The following COL13A1 variants were observed in gnomAD, a reference collection of about 807,000 sequenced individuals.
COL13A1 encodes collagen type XIII alpha 1 chain.
A neutral mutation model predicts 130.9 loss-of-function variants in COL13A1; 89 were observed. The ratio of observed to expected loss-of-function variants is 0.68; its 90% CI spans 0.57 to 0.81. The LOEUF (loss-of-function observed/expected upper bound fraction) is 0.81, where lower values mean the gene tolerates loss of function less well. COL13A1 is among the 30% of genes least tolerant of loss of function. The pLI is 0.00. For missense variants in COL13A1, 879 were observed against 934.6 expected, an observed-to-expected ratio of 0.94 and a Z score of 0.78; for synonymous variants, 402 against 341.6, an observed-to-expected ratio of 1.18 and a Z score of -1.95.
chr10:69,937,826 G>A (rs2067138648), intron 34 of COL13A1, 111 bp downstream of exon 34: 6 of 622,070 alleles, frequency 9.6e-6, no homozygotes, highest in Non-Finnish European at 1.5e-5. Context: ...AGCATCCAGA[G>A]TTCCATGTGG....
chr10:69,870,120 A>G (rs2058908859), intron 3 of COL13A1, among the ~76,000 whole-genome samples: 1 of 152,050 alleles, frequency 6.6e-6, no homozygotes, highest in African/African-American at 2.4e-5. Flanking sequence ...TAGAACAGTA[A>G]TGGTGTCTGC....
intron 4 of COL13A1, among the ~76,000 whole-genome samples, chr10:69,874,439 A>G (rs190739970): frequency 2.6e-4 from 40 of 152,322 alleles, no homozygotes; most frequent in African/African-American, 8.4e-4. Context: ...TTTTCTACCA[A>G]AAGGGGGAGG....
intron 1 of COL13A1, among the ~76,000 whole-genome samples, chr10:69,813,124 A>T (rs2704495): frequency 6.6e-6 from 1 of 152,074 alleles, no homozygotes; most frequent in African/African-American, 2.4e-5. Flanking sequence ...GATAGTCAAT[A>T]CCCATTTGTG....
At chr10:69,879,242 T>G (rs1028324920) in intron 6 of COL13A1, among the ~76,000 whole-genome samples, 1 of 152,186 alleles carries the variant, frequency 6.6e-6, no homozygotes, top group African/African-American at 2.4e-5. Context: ...GTCCTCATAT[T>G]GGAACTAGAC....
chr10:69,865,215 CTTGGTAATGCCTTGGAGTGACTCCATCCT>C (rs1173089315), intron 2 of COL13A1, among the ~76,000 whole-genome samples: 3 of 152,192 alleles, frequency 2.0e-5, no homozygotes, highest in African/African-American at 7.2e-5. Flanking sequence ...ACTGTGGGGA[CTTGGTAATGCCTTGGAGTGACTCCATCCT>C]TTGGTGCCTG....
chr10:69,932,060 G>A (rs566111792), intron 30 of COL13A1, among the ~76,000 whole-genome samples: 19 of 140,386 alleles, frequency 1.4e-4, no homozygotes, highest in African/African-American at 4.8e-4. Context: ...CCCACCTCCC[G>A]CAGAGTAGAC....
chr10:69,889,757 G>T (rs1294474461), intron 10 of COL13A1, among the ~76,000 whole-genome samples: 1 of 152,176 alleles, frequency 6.6e-6, no homozygotes, highest in East Asian at 1.9e-4. Context: ...GGGAGACAAG[G>T]TTTCATCTGC....
intron 2 of COL13A1, among the ~76,000 whole-genome samples, chr10:69,847,687 A>G (rs969438685): frequency 2.6e-5 from 4 of 152,188 alleles, no homozygotes; most frequent in African/African-American, 9.7e-5. Context: ...TCAGCTTGGG[A>G]GGAATGGCGT....
At position 69,937,613 on chromosome 10, in the gene COL13A1, G is replaced by A. The variant is rs377547340; in HGVS notation, c.1798-22G>A. The A allele has an allele frequency of 2.0e-4, 225 of 1,142,752 alleles. No individual in the cohort carries two copies. The African/African-American group carries it at 2.1e-3, about 10-fold the overall frequency. The allele number at this position is 1,142,752 out of a possible 1,614,324, so 70.8% of individuals were successfully genotyped here. ...CTGGGACATGTCCTTGTGTGATCTC[G>A]TCCCCTCTCCCTTTCCTCCAGGGGG... On this transcript the variant is annotated intron_variant, in intron 33 of 40. Coordinates refer to ENST00000645393, the MANE Select transcript of COL13A1 (RefSeq NM_001368882.1).
In COL13A1 at chr10:69,904,905, CTTTTTTTTTTT is replaced by C. The variant is rs60054259; in HGVS notation, c.859-21_859-11del. ...CAGCTCTACTCACCTTTTCTTTTTT[CTTTTTTTTTTT>C]TTTTTTGCTTCCACAGGGCTTACCT... On this transcript the variant is annotated splice_polypyrimidine_tract_variant and intron_variant, in intron 15 of 40. Coordinates refer to ENST00000645393, the MANE Select transcript of COL13A1 (RefSeq NM_001368882.1). 1 of 1,474,962 alleles carries C rather than the reference CTTTTTTTTTTT, an allele frequency of 6.8e-7. No individual in the cohort carries two copies. The highest frequency in any genetic ancestry group is 1.6e-5 in the African/African-American group (1 of 64,368). The allele number at this position is 1,474,962 out of a possible 1,614,324, so 91.4% of individuals were successfully genotyped here. A position where few individuals can be genotyped will look rare whatever the true frequency, so the allele number is the denominator to read the frequency against.
chr10:69,853,701 G>A (rs1024481309), intron 2 of COL13A1, among the ~76,000 whole-genome samples: 1 of 152,176 alleles, frequency 6.6e-6, no homozygotes, highest in South Asian at 2.1e-4. Flanking sequence ...GATAAATCAC[G>A]TTATATGATC....
intron 32 of COL13A1, among the ~76,000 whole-genome samples, chr10:69,935,861 A>T (rs2066764719): frequency 6.6e-6 from 1 of 151,654 alleles, no homozygotes; most frequent in South Asian, 2.1e-4. Context: ...AATACAAAAA[A>T]TTAGCTGGGC....
intron 30 of COL13A1, among the ~76,000 whole-genome samples, chr10:69,932,023 G>A (rs561963971): frequency 2.0e-5 from 3 of 152,170 alleles, no homozygotes; most frequent in Non-Finnish European, 2.9e-5. Flanking sequence ...GCCACCTACA[G>A]TTCCTGCCAC....
intron 17 of COL13A1, 56 bp downstream of exon 17, chr10:69,905,878 T>C (rs1312012340): frequency 3.8e-6 from 6 of 1,588,916 alleles, no homozygotes; most frequent in Non-Finnish European, 5.2e-6. Flanking sequence ...ATCAGTGGCC[T>C]ACTGGACCTC....
In COL13A1 at chr10:69,930,380, G is replaced by A. The variant is rs375039646; in HGVS notation, c.1531-20G>A. On this transcript the variant is annotated intron_variant, in intron 29 of 40. Coordinates refer to ENST00000645393, the MANE Select transcript of COL13A1 (RefSeq NM_001368882.1). ...TTCTCCATTAATGTGTCTAAGAAGC[G>A]TTTTTGGTATTTTCTAAAGGGACCT... 79 of 1,593,378 alleles carry A rather than the reference G, an allele frequency of 5.0e-5. No homozygotes were observed. Among genetic ancestry groups the A allele is most frequent in the East Asian group, 6.7e-5 (3 of 44,790 alleles).
At chr10:69,927,468 C>T (rs896416694) in intron 27 of COL13A1, among the ~76,000 whole-genome samples, 4 of 152,140 alleles carry the variant, frequency 2.6e-5, no homozygotes, top group African/African-American at 9.7e-5. Context: ...TTTTTCCCAA[C>T]TTTTAGCTAA....
At chr10:69,949,949 C>CGTGTGTGTGTGTGTGT (rs1234992758) in intron 38 of COL13A1, among the ~76,000 whole-genome samples, 27 of 103,554 alleles carry the variant, frequency 2.6e-4, no homozygotes, top group African/African-American at 7.1e-4. Flanking sequence ...TGTGTGTGTG[C>CGTGTGTGTGTGTGTGT]GTGTGTTTGT....
At chr10:69,887,169 T>C (rs2134509423) in intron 7 of COL13A1, among the ~76,000 whole-genome samples, 1 of 152,304 alleles carries the variant, frequency 6.6e-6, no homozygotes, top group African/African-American at 2.4e-5. Flanking sequence ...AAGCCATGCA[T>C]CCACAGCGGT....
At chr10:69,923,919 C>T (rs2065014350) in intron 24 of COL13A1, 64 bp downstream of exon 24, 1 of 1,566,040 alleles carries the variant, frequency 6.4e-7, no homozygotes, top group Non-Finnish European at 8.7e-7. Flanking sequence ...CAAGAATCAT[C>T]CCGGCCGACC....
Sources: gnomAD v4.1 joint callset for allele counts (sites outside exome capture counted in the v4.1 genomes callset) on GRCh38, gnomAD v4.1.1 for gene constraint, MANE v1.5 for transcripts, NCBI Gene and HGNC (gene_info 2026-07-23, HGNC 2026-07-21) for gene names.